The following KANK1 variants were observed in gnomAD, a reference collection of about 807,000 sequenced individuals.
The protein encoded by KANK1 is KN motif and ankyrin repeat domains 1, also known as KN motif and ankyrin repeat domain-containing protein 1.
Under a neutral mutation model 106.2 loss-of-function variants are expected in KANK1, and 109 were observed. The ratio of observed to expected loss-of-function variants is 1.03; its 90% confidence interval spans 0.88 to 1.20. The LOEUF (loss-of-function observed/expected upper bound fraction) is 1.20. Ranked by LOEUF, KANK1 falls within the 50% of genes most tolerant of loss-of-function variation. KANK1 has a pLI of 0.00. For synonymous variants in KANK1, 873 were observed against 652.2 expected (o/e 1.34, Z -5.16); for missense variants, 2,399 against 1,710.7 (o/e 1.40, Z -7.10).
At position 618,050 on chromosome 9, in the gene KANK1, G is replaced by A. The variant is rs78921672; in HGVS notation, c.-83-58840G>A. On this transcript the variant is annotated intron_variant, in intron 1 of 11. Coordinates refer to ENST00000382297, the MANE Select transcript of KANK1 (RefSeq NM_015158.5). Reference sequence around the variant, plus strand: ...TAATATAATTTACCCTGCACACAAGGCAGTATCTTGAAGGTTATTTCAGTA... The same window carrying A: ...TAATATAATTTACCCTGCACACAAGACAGTATCTTGAAGGTTATTTCAGTA... 2.6e-5 allele frequency among the ~76,000 whole-genome samples: 4 copies of A among 152,260 alleles called. No individual in the cohort carries two copies. The South Asian group carries it at 8.3e-4, about 32-fold the overall frequency.
chr9:651,995 A>G (rs1840983237), intron 1 of KANK1, among the ~76,000 whole-genome samples: 2 of 152,204 alleles, frequency 1.3e-5, no homozygotes. Flanking sequence ...AAATTTAGGA[A>G]TGGAATCTAG....
intron 3 of KANK1, among the ~76,000 whole-genome samples, chr9:498,562 T>C (rs1298413155): frequency 2.0e-5 from 3 of 152,204 alleles, no homozygotes; most frequent in Non-Finnish European, 2.9e-5. Context: ...TTATCAGATA[T>C]GAATAAAGAC....
Position 647,873 on chromosome 9 carries a change from C to G in KANK1, c.-83-29017C>G, listed in dbSNP as rs146519849. 9.3e-5 allele frequency among the ~76,000 whole-genome samples: 14 copies of G among 150,672 alleles called. No homozygotes were observed. The East Asian group carries it at 2.7e-3, about 29-fold the overall frequency. ...GTGTTTTTCATAGAGATGTTGAAGT[C>G]CATGGAAATCAGGTAGAACACTAAA... On this transcript the variant is annotated intron_variant, in intron 1 of 11. Coordinates refer to ENST00000382297, the MANE Select transcript of KANK1 (RefSeq NM_015158.5).
At chr9:700,778 A>C (rs1461956673) in intron 2 of KANK1, among the ~76,000 whole-genome samples, 1 of 152,196 alleles carries the variant, frequency 6.6e-6, no homozygotes, top group East Asian at 1.9e-4. Flanking sequence ...AAAAACACAT[A>C]AATAGTGTGT....
chr9:470,353 T>G (rs2057994582), exon 1 of KANK1: 1 of 152,400 alleles, frequency 6.6e-6, no homozygotes, highest in Non-Finnish European at 1.5e-5. Context: ...AGCGAGTGGT[T>G]GGAAATTAGC....
chr9:682,168 T>C (rs917100784), intron 2 of KANK1, among the ~76,000 whole-genome samples: 7 of 151,524 alleles, frequency 4.6e-5, no homozygotes, highest in African/African-American at 1.7e-4. Flanking sequence ...TAATTCCAGC[T>C]ACTCGGGAGG....
intron 1 of KANK1, among the ~76,000 whole-genome samples, chr9:650,486 A>C (rs576695934): frequency 2.6e-5 from 4 of 152,288 alleles, no homozygotes; most frequent in African/African-American, 9.6e-5. Flanking sequence ...ATGGGGGCCT[A>C]AGATTCTGCA....
chr9:517,449 TAAAG>T (rs894046896), intron 1 of KANK1, among the ~76,000 whole-genome samples: 3 of 145,584 alleles, frequency 2.1e-5, no homozygotes, highest in Non-Finnish European at 4.4e-5. Context: ...TTTAGGCTAA[TAAAG>T]AACACTGTTT....
In KANK1 at chr9:713,163, T is replaced by C; in HGVS notation, c.2397T>C (p.Val799=). 6.3e-7 allele frequency: 1 copy of C among 1,589,686 alleles called. No individual in the cohort carries two copies. Among genetic ancestry groups the C allele is most frequent in the East Asian group, 2.2e-5 (1 of 44,726 alleles). The part of the protein sequence containing the change: ...GLTASRRSVG[V]GDDPVGESLE... ...CAGCCAGCAGAAGGAGCGTGGGGGT[T>C]GGGGATGACCCTGTAGGGGAATCTC... The change falls in exon 3 of 12, where the codon GTT becomes GTC. Residue 799 remains valine (V), a synonymous_variant. Transcript: ENST00000382297.
upstream of KANK1, among the ~76,000 whole-genome samples, chr9:504,325 C>A (rs1244201619): frequency 1.3e-5 from 2 of 152,068 alleles, no homozygotes; most frequent in East Asian, 3.9e-4. Flanking sequence ...CTGCTTAGTT[C>A]TCGCCGCGGC....
intron 3 of KANK1, among the ~76,000 whole-genome samples, chr9:496,352 C>T (rs2132383607): frequency 6.6e-6 from 1 of 152,242 alleles, no homozygotes; most frequent in African/African-American, 2.4e-5. Flanking sequence ...CCAGGAGTTC[C>T]AGACCAGCCT....
intron 1 of KANK1, among the ~76,000 whole-genome samples, chr9:537,962 C>T (rs2060389439): frequency 6.6e-6 from 1 of 152,180 alleles, no homozygotes; most frequent in African/African-American, 2.4e-5. Flanking sequence ...TCTCACTCAA[C>T]ACAACAAGTT....
intron 3 of KANK1, among the ~76,000 whole-genome samples, chr9:475,190 T>C (rs1587178243): frequency 6.6e-6 from 1 of 152,162 alleles, no homozygotes; most frequent in Non-Finnish European, 1.5e-5. Flanking sequence ...CGGAGTTTAA[T>C]TGGTAAATGA....
intron 1 of KANK1, among the ~76,000 whole-genome samples, chr9:517,189 A>C (rs181329052): frequency 6.6e-6 from 1 of 151,866 alleles, no homozygotes; most frequent in African/African-American, 2.4e-5. Context: ...AGCTACTGCA[A>C]CTTCCGACGG....
intron 1 of KANK1, among the ~76,000 whole-genome samples, chr9:580,940 G>A (rs1821950160): frequency 6.6e-6 from 1 of 152,214 alleles, no homozygotes; most frequent in African/African-American, 2.4e-5. Context: ...GAGGCCTGGT[G>A]AGAATTGGAG....
At chr9:708,717 TG>T (rs1825030842) in intron 2 of KANK1, among the ~76,000 whole-genome samples, 1 of 152,178 alleles carries the variant, frequency 6.6e-6, no homozygotes, top group African/African-American at 2.4e-5. Flanking sequence ...CCAGGTTTGC[TG>T]GAAGTTACTT....
intron 9 of KANK1, among the ~76,000 whole-genome samples, chr9:741,858 A>G (rs963661568): frequency 3.3e-5 from 5 of 151,746 alleles, no homozygotes; most frequent in Admixed American, 2.0e-4. Context: ...AGCTCAGACA[A>G]TCTGCCTGCC....
chr9:519,782 A>G (rs540885652), intron 1 of KANK1, among the ~76,000 whole-genome samples: 78 of 151,786 alleles, frequency 5.1e-4, no homozygotes, highest in African/African-American at 1.8e-3. Context: ...TGAACCTACT[A>G]TTGTTCTCAA....
intron 1 of KANK1, among the ~76,000 whole-genome samples, chr9:626,564 C>A (rs984992304): frequency 1.1e-4 from 17 of 152,160 alleles, no homozygotes; most frequent in African/African-American, 2.4e-5. Context: ...GGAGGCTGTA[C>A]ATAAATCAAG....
Sources: allele counts gnomAD v4.1 joint callset (sites outside exome capture counted in the v4.1 genomes callset), GRCh38; gene constraint gnomAD v4.1.1; transcripts MANE v1.5; gene names NCBI Gene and HGNC (gene_info 2026-07-23, HGNC 2026-07-21).